The following ACTN4 variants were observed in gnomAD, a reference collection of about 807,000 sequenced individuals.
ACTN4 encodes the protein alpha-actinin-4.
A neutral mutation model predicts 114.2 loss-of-function variants in ACTN4; 18 were observed. The ratio of observed to expected loss-of-function variants is 0.16; its 90% CI spans 0.11 to 0.23. ACTN4 has a LOEUF of 0.23. ACTN4 is among the 10% of genes least tolerant of loss of function. The probability of loss-of-function intolerance (pLI) is 1.00; values close to 1 mark genes in which losing one functional copy is unlikely to be tolerated. For synonymous variants in ACTN4, 515 were observed against 506.3 expected (o/e 1.02, Z -0.23); for missense variants, 722 against 1,262.9 (o/e 0.57, Z 6.49).
At chr19:38,708,311 G>A (rs1568727417) in intron 6 of ACTN4, 116 bp downstream of exon 6, 50 of 1,129,318 alleles carry the variant, frequency 4.4e-5, no homozygotes, top group Non-Finnish European at 5.8e-5. Context: ...GGTTCTGCAC[G>A]CAGATGGGCA....
chr19:38,657,737 C>A (rs1163215775), intron 1 of ACTN4, among the ~76,000 whole-genome samples: 1 of 152,028 alleles, frequency 6.6e-6, no homozygotes, highest in African/African-American at 2.4e-5. Context: ...GCAGGTGGTT[C>A]GGCATCTGGA....
intron 1 of ACTN4, among the ~76,000 whole-genome samples, chr19:38,673,887 A>G (rs1461146771): frequency 4.8e-5 from 7 of 145,344 alleles, no homozygotes; most frequent in Non-Finnish European, 1.0e-4. Context: ...GGTTCAAGCA[A>G]TTCTCTGCCT....
intron 1 of ACTN4, among the ~76,000 whole-genome samples, chr19:38,651,980 T>A (rs1454498090): frequency 6.6e-6 from 1 of 152,088 alleles, no homozygotes; most frequent in African/African-American, 2.4e-5. Flanking sequence ...GTGATCCGCC[T>A]GCCTCGGCCT....
Position 38,729,613 on chromosome 19 carries a change from G to T in ACTN4, c.*181G>T. On this transcript the variant is annotated 3_prime_UTR_variant, in exon 21 of 21. Transcript: ENST00000252699. ...CTCTCTCTCTTTGTGGGTTGGCCAG[G>T]AGGTTCCCCCGACCAGGTTGGGGAG... The T allele has an allele frequency of 1.1e-6, 1 of 914,096 alleles. No individual in the cohort carries two copies. The highest frequency in any genetic ancestry group is 1.7e-6 in the Non-Finnish European group (1 of 580,034). 56.6% of individuals were successfully genotyped at this position (914,096 alleles called of 1,614,324 possible).
chr19:38,675,955 A>T (rs1967360824), intron 1 of ACTN4, among the ~76,000 whole-genome samples: 1 of 152,210 alleles, frequency 6.6e-6, no homozygotes, highest in Non-Finnish European at 1.5e-5. Flanking sequence ...ATGGACTCAG[A>T]TTCTCAGCCT....
At chr19:38,653,250 T>G (rs1438405014) in intron 1 of ACTN4, among the ~76,000 whole-genome samples, 2 of 152,186 alleles carry the variant, frequency 1.3e-5, no homozygotes, top group Non-Finnish European at 2.9e-5. Context: ...ACAAGTTATC[T>G]GCCAGTGCTA....
At chr19:38,702,216 C>T (rs1968300370) in intron 3 of ACTN4, among the ~76,000 whole-genome samples, 1 of 152,218 alleles carries the variant, frequency 6.6e-6, no homozygotes, top group South Asian at 2.1e-4. Flanking sequence ...CATCAGTTTT[C>T]ATTTGGAGAA....
intron 8 of ACTN4, 62 bp from the exon 9 acceptor site, chr19:38,714,407 G>A (rs1173512148): frequency 1.0e-5 from 15 of 1,501,112 alleles, no homozygotes; most frequent in Admixed American, 1.7e-5. Context: ...TTCAAGGGAC[G>A]TGCCCGTCAG....
chr19:38,686,577 G>C (rs924227257), intron 1 of ACTN4, among the ~76,000 whole-genome samples: 1 of 152,206 alleles, frequency 6.6e-6, no homozygotes, highest in South Asian at 2.1e-4. Context: ...AGTTTCCTCT[G>C]TTAAAGGTAG....
At position 38,660,671 on chromosome 19, in the gene ACTN4, C is replaced by T. The variant is rs548797515; in HGVS notation, c.162+12764C>T. ...TCAGCCACCCCAAGTGCTGGGATTACAGGCGCGAGCCACCATGCCCGACCC... is the reference window on the plus strand; with the variant it reads ...TCAGCCACCCCAAGTGCTGGGATTATAGGCGCGAGCCACCATGCCCGACCC... On this transcript the variant is annotated intron_variant, in intron 1 of 20. Coordinates refer to ENST00000252699, the MANE Select transcript of ACTN4 (RefSeq NM_004924.6). 2.8e-3 allele frequency among the ~76,000 whole-genome samples: 420 copies of T among 152,332 alleles called. 1 individual carries two copies. Among genetic ancestry groups the T allele is most frequent in the Non-Finnish European group, 3.9e-3 (266 of 68,028 alleles).
At chr19:38,673,104 G>A (rs2144888175) in intron 1 of ACTN4, among the ~76,000 whole-genome samples, 1 of 151,334 alleles carries the variant, frequency 6.6e-6, no homozygotes, top group African/African-American at 2.4e-5. Flanking sequence ...CACCATGCCT[G>A]GCCAGTTTTT....
intron 1 of ACTN4, among the ~76,000 whole-genome samples, chr19:38,682,507 A>G (rs1967608957): frequency 6.6e-6 from 1 of 152,086 alleles, no homozygotes; most frequent in African/African-American, 2.4e-5. Flanking sequence ...GCATTGATGA[A>G]GGTCAAGAAG....
chr19:38,714,434 C>G, intron 8 of ACTN4, 35 bp from the exon 9 acceptor site: 2 of 1,606,968 alleles, frequency 1.2e-6, no homozygotes, highest in Non-Finnish European at 1.7e-6. Context: ...GGGTGGCCAG[C>G]CCCCAGGCAG....
chr19:38,673,182 A>AT (rs1967186542), intron 1 of ACTN4, among the ~76,000 whole-genome samples: 1 of 150,698 alleles, frequency 6.6e-6, no homozygotes, highest in East Asian at 2.0e-4. Flanking sequence ...ACCTCAGGTG[A>AT]TCCCCCCACC....
intron 7 of ACTN4, 103 bp from the exon 8 acceptor site, chr19:38,710,154 C>T: frequency 5.7e-6 from 7 of 1,229,934 alleles, no homozygotes; most frequent in Non-Finnish European, 7.2e-6. Flanking sequence ...CTGCAGGTCC[C>T]TCTCCCCCAA....
In ACTN4 at chr19:38,706,138, G is replaced by A. The variant is rs761831106; in HGVS notation, c.572+7G>A. ...TGCAGAACTTCCACATCAGGTAAGC[G>A]CCAGTCCTGGTCATCCTCTCCTTTC... On this transcript the variant is annotated splice_region_variant and intron_variant, in intron 5 of 20. Coordinates refer to ENST00000252699, the MANE Select transcript of ACTN4 (RefSeq NM_004924.6). 6.1e-5 allele frequency: 99 copies of A among 1,612,652 alleles called. No homozygotes were observed. The highest frequency in any genetic ancestry group is 8.0e-5 in the Non-Finnish European group (94 of 1,178,710).
At position 38,715,679 on chromosome 19, in the gene ACTN4, C is replaced by A. The variant is rs547229515; in HGVS notation, c.912+1118C>A. 2.0e-5 allele frequency among the ~76,000 whole-genome samples: 3 copies of A among 152,258 alleles called. 1 individual carries two copies. Among genetic ancestry groups the A allele is most frequent in the Admixed American group, 1.3e-4 (2 of 15,292 alleles). ...ACGGATGTTTTAAAAAGAAACACTACCATCTGTTACCACCAGCACTTCTAA... is the reference window on the plus strand; with the variant it reads ...ACGGATGTTTTAAAAAGAAACACTAACATCTGTTACCACCAGCACTTCTAA... On this transcript the variant is annotated intron_variant, in intron 9 of 20. Transcript: ENST00000252699.
chr19:38,683,406 T>C (rs1214055590), intron 1 of ACTN4, among the ~76,000 whole-genome samples: 2 of 152,178 alleles, frequency 1.3e-5, no homozygotes, highest in Non-Finnish European at 2.9e-5. Flanking sequence ...GGACTTGCTG[T>C]TCAGCCCCAG....
chr19:38,699,364 G>T (rs1335637710), intron 1 of ACTN4, among the ~76,000 whole-genome samples: 1 of 152,208 alleles, frequency 6.6e-6, no homozygotes, highest in African/African-American at 2.4e-5. Context: ...TTGATCATCA[G>T]AAACATTCTC....
Sources: gnomAD v4.1 joint callset for allele counts (sites outside exome capture counted in the v4.1 genomes callset) on GRCh38, gnomAD v4.1.1 for gene constraint, MANE v1.5 for transcripts, NCBI Gene and HGNC (gene_info 2026-07-23, HGNC 2026-07-21) for gene names.